Variants in SIDT2 observed in about 807,000 individuals in gnomAD.
The protein encoded by SIDT2 is SID1 transmembrane family member 2, also known as SID1 transmembrane family, member 2.
Under a neutral mutation model 114.4 loss-of-function variants are expected in SIDT2, and 68 were observed. The ratio of observed to expected loss-of-function variants is 0.59; its 90% CI spans 0.49 to 0.73. SIDT2 has a LOEUF of 0.73. SIDT2 is among the 30% of genes least tolerant of loss of function. The pLI is 0.00. For missense variants in SIDT2, 918 were observed against 1,097.1 expected, an observed-to-expected ratio of 0.84 and a Z score of 2.31; for synonymous variants, 470 against 438.4, an observed-to-expected ratio of 1.07 and a Z score of -0.90.
chr11:117,191,613 A>C (rs2030704539), intron 18 of SIDT2: 1 of 465,304 alleles, frequency 2.1e-6, no homozygotes, highest in South Asian at 3.3e-5. Flanking sequence ...CCCTGATCTC[A>C]GGGTGCTCAC....
At position 117,193,947 on chromosome 11, in the gene SIDT2, G is replaced by T. The variant is rs920528047; in HGVS notation, c.2306G>T (p.Gly769Val). 2 of 1,613,712 alleles carry T rather than the reference G, an allele frequency of 1.2e-6. No individual in the cohort carries two copies. Among genetic ancestry groups the T allele is most frequent in the Admixed American group, 1.7e-5 (1 of 60,016 alleles). The change falls in exon 24 of 26, where the codon GGA (glycine) becomes GTA (valine). Residue 769 changes from glycine (G) to valine (V), a missense_variant. By Grantham distance (109) the Gly-to-Val change is moderately radical. Transcript: ENST00000324225. ...TTCGCGCTCTTCTTCTTCTTCCAGG[G>T]ACTCAGCACCTGGCAGGTGAGCACT... is the stretch of plus-strand genomic sequence containing the variant. ...WGFALFFFFQ[G>V]LSTWQKTPAE...
At position 117,186,498 on chromosome 11, in the gene SIDT2, G is replaced by A. The variant is rs1449418359; in HGVS notation, c.963-86G>A. The A allele has an allele frequency of 3.1e-6, 4 of 1,302,754 alleles. No individual in the cohort carries two copies. In the African/African-American group the frequency reaches 5.9e-5, roughly 19 times the overall value. 80.7% of individuals were successfully genotyped at this position (1,302,754 alleles called of 1,614,324 possible). ...ACAGGGTCATAGCGATGAGAGTGGAGCAGAGAGGTAGAAGGAAAGTCAGCC... is the reference window on the plus strand; with the variant it reads ...ACAGGGTCATAGCGATGAGAGTGGAACAGAGAGGTAGAAGGAAAGTCAGCC... On this transcript the variant is annotated intron_variant, in intron 9 of 25. Coordinates refer to ENST00000324225, the MANE Select transcript of SIDT2 (RefSeq NM_001040455.2).
At chr11:117,182,202 G>A in intron 4 of SIDT2, 97 bp downstream of exon 4, 1 of 1,408,546 alleles carries the variant, frequency 7.1e-7, no homozygotes, top group Non-Finnish European at 9.8e-7. Flanking sequence ...TTTTGAATTG[G>A]CTGTTTTCTC....
intron 24 of SIDT2, among the ~76,000 whole-genome samples, chr11:117,194,766 A>G (rs572938913): frequency 2.0e-5 from 3 of 152,218 alleles, no homozygotes; most frequent in Admixed American, 1.3e-4. Context: ...TCCTGGAAAA[A>G]GTGCGCCTTG....
chr11:117,182,496 TC>T, intron 4 of SIDT2, 22 bp from the exon 5 acceptor site: 1 of 1,603,386 alleles, frequency 6.2e-7, no homozygotes, highest in East Asian at 2.2e-5. Flanking sequence ...GATGGGGCTC[TC>T]CCTTCCTTCC....
rs2030548230 is a variant in SIDT2, at chr11:117,187,632, T to C, written c.1092T>C (p.Asn364=). The C allele has an allele frequency of 6.2e-7, 1 of 1,614,076 alleles. No individual in the cohort carries two copies. ...YEGYNYGSFE[N]VSGSTDGLVD... ...ACCACTGATCGTTCCCCACAGAGAATGTTTCTGGATCTACCGATGGTCTGG... is the reference window on the plus strand; with the variant it reads ...ACCACTGATCGTTCCCCACAGAGAACGTTTCTGGATCTACCGATGGTCTGG... The change falls in exon 12 of 26, where the codon AAT becomes AAC. Residue 364 remains asparagine, a synonymous_variant. Coordinates refer to ENST00000324225, the MANE Select transcript of SIDT2 (RefSeq NM_001040455.2).
In SIDT2 at chr11:117,190,332, A is replaced by G. The variant is rs2030652889; in HGVS notation, c.1617+43A>G. 4 of 1,523,404 alleles carry G rather than the reference A, an allele frequency of 2.6e-6. No individual in the cohort carries two copies. The highest frequency in any genetic ancestry group is 1.4e-5 in the African/African-American group (1 of 71,760). The allele number at this position is 1,523,404 out of a possible 1,614,324, so 94.4% of individuals were successfully genotyped here. ...TGCCTGCCGCAGCCTCAGCTCCAGC[A>G]CAGACCTCAAGCCTTGGCTCCAGGA... On this transcript the variant is annotated intron_variant, in intron 17 of 25. Transcript: ENST00000324225. This position sits in a 1 kb window ranked among gnomAD's most constrained non-coding sequence, Gnocchi z 4.1.
intron 15 of SIDT2, 29 bp from the exon 16 acceptor site, chr11:117,189,923 C>T: frequency 6.2e-7 from 1 of 1,610,068 alleles, no homozygotes; most frequent in Non-Finnish European, 8.5e-7. Context: ...TGACGACAGA[C>T]CCACTCCCTG....
chr11:117,186,776 G>A (rs1051983281), intron 10 of SIDT2, 140 bp downstream of exon 10: 22 of 941,548 alleles, frequency 2.3e-5, no homozygotes, highest in Non-Finnish European at 3.4e-5. Context: ...CTCCACAGAT[G>A]GGAATGAGGC....
In SIDT2 at chr11:117,189,374, G is replaced by T; in HGVS notation, c.1392G>T (p.Val464=). The T allele has an allele frequency of 6.2e-7, 1 of 1,614,114 alleles. No homozygotes were observed. Among genetic ancestry groups the T allele is most frequent in the Non-Finnish European group, 8.5e-7 (1 of 1,179,992 alleles). Residue 464 remains valine (V), a synonymous_variant, in exon 15 of 26, where the codon GTG becomes GTT. Transcript: ENST00000324225. ...TTGCTGTCTTCTATGCCCTTCCTGT[G>T]GTGCAGCTGGTGATCACCTACCAGA... ...ATIAVFYALP[V]VQLVITYQTV...
chr11:117,191,827 C>A, intron 18 of SIDT2, 51 bp from the exon 19 acceptor site: 1 of 1,599,438 alleles, frequency 6.3e-7, no homozygotes, highest in South Asian at 1.1e-5. Context: ...GAGTTCTCTG[C>A]TGGGGCTTGG....
Position 117,188,509 on chromosome 11 carries a change from TAC to T in SIDT2, c.1160-198_1160-197del, listed in dbSNP as rs2030580951. The T allele has an allele frequency of 1.7e-6, 1 of 598,792 alleles. No individual in the cohort carries two copies. The allele number at this position is 598,792 out of a possible 1,614,324, so 37.1% of individuals were successfully genotyped here. Reference sequence around the variant, plus strand: ...CTGTGTGGTGGCCTCTTCTAGAGTCTACCATCATCCCCCAGGACTTAGGAGCA... The same window carrying T: ...CTGTGTGGTGGCCTCTTCTAGAGTCTCATCATCCCCCAGGACTTAGGAGCA... On this transcript the variant is annotated intron_variant, in intron 12 of 25. Coordinates refer to ENST00000324225, the MANE Select transcript of SIDT2 (RefSeq NM_001040455.2). The surrounding 1 kb of genome is among the most constrained non-coding windows in gnomAD (Gnocchi z 4.0).
intron 3 of SIDT2, 33 bp from the exon 4 acceptor site, chr11:117,182,027 G>C (rs2030307996): frequency 6.2e-7 from 1 of 1,613,948 alleles, no homozygotes; most frequent in African/African-American, 1.3e-5. Context: ...AGGCTCCGGG[G>C]GTGACTGGTG....
chr11:117,185,918 A>T (rs2030477451), intron 8 of SIDT2: 2 of 433,770 alleles, frequency 4.6e-6, no homozygotes, highest in Non-Finnish European at 8.3e-6. Flanking sequence ...GTTCTAGCCC[A>T]GGGAGCAACA....
Position 117,192,044 on chromosome 11 carries a change from G to A in SIDT2, c.1872+30G>A, listed in dbSNP as rs768811399. ...GGGCCTGACCTGCTCTGCTCAGCCT[G>A]TATGATAGGAAAGGTGCACGTGCGT... is the stretch of plus-strand genomic sequence containing the variant. On this transcript the variant is annotated intron_variant, in intron 19 of 25. Coordinates refer to ENST00000324225, the MANE Select transcript of SIDT2 (RefSeq NM_001040455.2). This position sits in a 1 kb window ranked among gnomAD's most constrained non-coding sequence, Gnocchi z 5.9. 1 of 1,612,910 alleles carries A rather than the reference G, an allele frequency of 6.2e-7. No individual in the cohort carries two copies.
At position 117,190,314 on chromosome 11, in the gene SIDT2, C is replaced by T. The variant is rs766390244; in HGVS notation, c.1617+25C>T. The T allele has an allele frequency of 3.8e-5, 58 of 1,525,236 alleles. No homozygotes were observed. Among genetic ancestry groups the T allele is most frequent in the Admixed American group, 2.2e-4 (10 of 45,534 alleles). The allele number at this position is 1,525,236 out of a possible 1,614,324, so 94.5% of individuals were successfully genotyped here. On this transcript the variant is annotated intron_variant, in intron 17 of 25. Transcript: ENST00000324225. This position sits in a 1 kb window ranked among gnomAD's most constrained non-coding sequence, Gnocchi z 4.1. ...GGTAAGGGAGCACCTGCCTGCCTGC[C>T]GCAGCCTCAGCTCCAGCACAGACCT...
rs2030565863 is a variant in SIDT2 at position 117,188,032 on chromosome 11, G to A, written c.1159+333G>A. 2 of 556,378 alleles carry A rather than the reference G, an allele frequency of 3.6e-6. No individual in the cohort carries two copies. Among genetic ancestry groups the A allele is most frequent in the Admixed American group, 4.4e-5 (2 of 45,086 alleles). 34.5% of individuals were successfully genotyped at this position (556,378 alleles called of 1,614,324 possible). The stretch of plus-strand genomic sequence containing the variant: ...CGGTTGACTGCCGGCTGTGGGGCCA[G>A]AAAGATTCTATGTGCATGGCTTCCC... On this transcript the variant is annotated intron_variant, in intron 12 of 25. Transcript: ENST00000324225. The surrounding 1 kb of genome is among the most constrained non-coding windows in gnomAD (Gnocchi z 4.0).
At chr11:117,194,403 G>C (rs966243197) in intron 24 of SIDT2, among the ~76,000 whole-genome samples, 3 of 152,206 alleles carry the variant, frequency 2.0e-5, no homozygotes, top group African/African-American at 7.2e-5. Flanking sequence ...TTCCAGCCTG[G>C]AGATAGCTCC....
chr11:117,182,308 C>T (rs2030320496), intron 4 of SIDT2: 4 of 722,250 alleles, frequency 5.5e-6, no homozygotes, highest in Middle Eastern at 4.0e-4. Context: ...GGTTGCCTCT[C>T]TGGCATTCTG....
Sources: allele counts gnomAD v4.1 joint callset (sites outside exome capture counted in the v4.1 genomes callset), GRCh38; gene constraint gnomAD v4.1.1; non-coding constraint Gnocchi (gnomAD v3.1); transcripts MANE v1.5; gene names NCBI Gene and HGNC (gene_info 2026-07-23, HGNC 2026-07-21).